Variants in DCX observed in about 807,000 individuals in gnomAD.
DCX encodes the protein neuronal migration protein doublecortin.
DCX carries 4 observed loss-of-function variants against 20.9 expected under a neutral mutation model. The ratio of observed to expected loss-of-function variants is 0.19; its 90% CI spans 0.09 to 0.44. DCX has a LOEUF of 0.44. Among genes scored for constraint, DCX ranks in the 20% least tolerant of loss-of-function variants. The probability of loss-of-function intolerance (pLI) is 0.99; values close to 1 mark genes in which losing one functional copy is unlikely to be tolerated. For synonymous variants in DCX, 103 were observed against 111.4 expected (o/e 0.92, Z 0.47); for missense variants, 133 against 296.9 (o/e 0.45, Z 4.06).
At position 111,396,238 on chromosome X, in the gene DCX, C is replaced by T. The variant is rs1289710771; in HGVS notation, c.705+4752G>A. On this transcript the variant is annotated intron_variant, in intron 3 of 6. Transcript: ENST00000636035. ...CTTGGAATCGGCTTAAACCTCTCCT[C>T]TGTTATTCTGAGACCTGTAATCCCA... Among the ~76,000 whole-genome samples, 11 of 112,313 alleles carry T rather than the reference C, an allele frequency of 9.8e-5. No homozygotes were observed. The Admixed American group carries it at 1.0e-3, about 11-fold the overall frequency.
chrX:111,402,779 C>T (rs62612556), intron 2 of DCX, among the ~76,000 whole-genome samples: 1,089 of 91,930 alleles, frequency 0.012, 11 homozygotes, highest in African/African-American at 0.045. Flanking sequence ...TGTGTGTGTG[C>T]GTGGTGTGTG....
chrX:111,320,302 C>T (rs2095083464), intron 5 of DCX, among the ~76,000 whole-genome samples: 1 of 112,035 alleles, frequency 8.9e-6, no homozygotes, highest in Non-Finnish European at 1.9e-5. Context: ...TGCCATTTGA[C>T]ATGGATTCTA....
At chrX:111,360,603 T>C (rs997379476) in intron 3 of DCX, among the ~76,000 whole-genome samples, 4 of 111,756 alleles carry the variant, frequency 3.6e-5, no homozygotes, top group Admixed American at 9.5e-5. Flanking sequence ...TATAATTGGA[T>C]TGTTGTAACA....
rs183240415 is a variant in DCX at position 111,312,306 on chromosome X, C to T, written c.1044+333G>A. Among the ~76,000 whole-genome samples, 321 of 111,915 alleles carry T rather than the reference C, an allele frequency of 2.9e-3. 1 individual carries two copies. The highest frequency in any genetic ancestry group is 0.01 in the African/African-American group (311 of 30,810). ...CTGGTGACATAAAGTGCCCTGAACA[C>T]CCCCTTTGCTATGTCTCTGAACTGG... On this transcript the variant is annotated intron_variant, in intron 6 of 6. Coordinates refer to ENST00000636035, the MANE Select transcript of DCX (RefSeq NM_001195553.2).
chrX:111,391,858 T>C (rs1254480029), intron 3 of DCX, among the ~76,000 whole-genome samples: 1 of 111,781 alleles, frequency 8.9e-6, no homozygotes, highest in African/African-American at 3.3e-5. Flanking sequence ...GTATCGATTA[T>C]AAAAGTATTC....
chrX:111,326,696 C>T lies in DCX; in HGVS notation c.946+4208G>A, dbSNP rs182979258. ...TATTATATAGACAACAAAATCCTTACTTAACTTGAGTTTAGGGCTTAGCAA... is the reference window on the plus strand; with the variant it reads ...TATTATATAGACAACAAAATCCTTATTTAACTTGAGTTTAGGGCTTAGCAA... On this transcript the variant is annotated intron_variant, in intron 5 of 6. Transcript: ENST00000636035. Among the ~76,000 whole-genome samples, 398 of 111,732 alleles carry T rather than the reference C, an allele frequency of 3.6e-3. 3 individuals are homozygous for T. Among genetic ancestry groups the T allele is most frequent in the African/African-American group, 0.012 (378 of 30,765 alleles).
intron 3 of DCX, among the ~76,000 whole-genome samples, chrX:111,365,703 A>G (rs1419210866): frequency 9.0e-6 from 1 of 111,246 alleles, no homozygotes. Context: ...TTTATAAACA[A>G]GAAAAAAAGA....
At chrX:111,360,935 T>C (rs1461223153) in intron 3 of DCX, among the ~76,000 whole-genome samples, 1 of 112,057 alleles carries the variant, frequency 8.9e-6, no homozygotes, top group Non-Finnish European at 1.9e-5. Context: ...TCGGTGCTCC[T>C]GACATTGGAG....
chrX:111,342,367 A>G (rs2147655090), intron 3 of DCX, among the ~76,000 whole-genome samples: 1 of 74,403 alleles, frequency 1.3e-5, no homozygotes, highest in African/African-American at 5.1e-5. Flanking sequence ...ATATATATAT[A>G]TATATATATA....
intron 3 of DCX, among the ~76,000 whole-genome samples, chrX:111,333,817 A>C (rs184011072): frequency 8.1e-4 from 90 of 111,558 alleles, no homozygotes; most frequent in African/African-American, 2.8e-3. Context: ...CATGCCTGCT[A>C]GCATCCTAAG....
chrX:111,407,180 G>T (rs1928271416), intron 2 of DCX, among the ~76,000 whole-genome samples: 1 of 111,607 alleles, frequency 9.0e-6, no homozygotes, highest in African/African-American at 3.3e-5. Context: ...CTTTACAGAT[G>T]ACAAAATGAG....
At chrX:111,357,822 TTTTA>T (rs1182375039) in intron 3 of DCX, among the ~76,000 whole-genome samples, 1 of 110,659 alleles carries the variant, frequency 9.0e-6, no homozygotes, top group African/African-American at 3.3e-5. Context: ...CTGAAGCTCT[TTTTA>T]TTTTTTATTT....
In DCX at chrX:111,389,258, T is replaced by C. The variant is rs1420631044; in HGVS notation, c.705+11732A>G. Among the ~76,000 whole-genome samples, 4 of 111,010 alleles carry C rather than the reference T, an allele frequency of 3.6e-5. No homozygotes were observed. The Admixed American group carries it at 3.8e-4, about 11-fold the overall frequency. On this transcript the variant is annotated intron_variant, in intron 3 of 6. Transcript: ENST00000636035. ...GACACGGCTGCCCGCACCTGCCTTT[T>C]AATGTTCTCTGGATACATCTTCATC...
At chrX:111,403,559 G>A (rs1054773529) in intron 2 of DCX, among the ~76,000 whole-genome samples, 34 of 111,731 alleles carry the variant, frequency 3.0e-4, no homozygotes, top group Admixed American at 5.7e-4. Flanking sequence ...CCACTCTCTC[G>A]TTGGGCTGAA....
chrX:111,318,116 C>T (rs1290813292), intron 5 of DCX, among the ~76,000 whole-genome samples: 10 of 96,051 alleles, frequency 1.0e-4, no homozygotes, highest in African/African-American at 3.2e-4. Flanking sequence ...ACCAGGGAGG[C>T]GGAGGTTGCA....
chrX:111,375,690 C>G (rs943743174), intron 3 of DCX, among the ~76,000 whole-genome samples: 1 of 111,880 alleles, frequency 8.9e-6, no homozygotes, highest in Non-Finnish European at 1.9e-5. Context: ...AAATCAGTTA[C>G]CCAAGCCAGG....
intron 3 of DCX, among the ~76,000 whole-genome samples, chrX:111,365,217 G>A (rs1326316164): frequency 9.1e-6 from 1 of 109,698 alleles, no homozygotes; most frequent in Non-Finnish European, 1.9e-5. Context: ...ACCATGCCAG[G>A]CATAGTCTTA....
intron 1 of DCX, chrX:111,411,622 A>T (rs1447803705): frequency 8.9e-6 from 1 of 112,836 alleles, no homozygotes; most frequent in Non-Finnish European, 1.8e-5. Flanking sequence ...ATTAACATGC[A>T]TCTCACAGAT....
chrX:111,361,789 T>C (rs192208977), intron 3 of DCX, among the ~76,000 whole-genome samples: 78 of 112,364 alleles, frequency 6.9e-4, no homozygotes, highest in African/African-American at 2.5e-3. Context: ...GCAGACTTGT[T>C]CTTGTCCCTC....
Sources: allele counts gnomAD v4.1 joint callset (sites outside exome capture counted in the v4.1 genomes callset), GRCh38; gene constraint gnomAD v4.1.1; transcripts MANE v1.5; gene names NCBI Gene and HGNC (gene_info 2026-07-23, HGNC 2026-07-21).